Variants in IFT52 observed in about 807,000 individuals in gnomAD.
IFT52 encodes the protein intraflagellar transport protein 52 homolog.
A neutral mutation model predicts 54.4 loss-of-function variants in IFT52; 44 were observed. The ratio of observed to expected loss-of-function variants is 0.81; its 90% CI spans 0.63 to 1.04. The LOEUF (loss-of-function observed/expected upper bound fraction) is 1.04. Ranked by LOEUF, IFT52 falls within the 50% of genes least tolerant of loss-of-function variation. The probability of loss-of-function intolerance (pLI) is 0.00; values close to 1 mark genes in which losing one functional copy is unlikely to be tolerated. For missense variants in IFT52, 452 were observed against 523.6 expected (o/e 0.86, Z 1.33); for synonymous variants, 181 against 185.3 (o/e 0.98, Z 0.19).
At position 43,618,969 on chromosome 20, in the gene IFT52, T is replaced by G. The variant is rs1239916129; in HGVS notation, c.642T>G (p.Gly214=). The G allele has an allele frequency of 6.2e-7, 1 of 1,614,042 alleles. No individual in the cohort carries two copies. The highest frequency in any genetic ancestry group is 1.1e-5 in the South Asian group (1 of 91,048). Residue 214 remains glycine, a synonymous_variant, in exon 8 of 14, where the codon GGT becomes GGG. Transcript: ENST00000373030. ...AAGGTGGGAAGCTGGCAGTGCTTGG[T>G]TCATGTCACATGTTCAGTGATCAAT... ...KNQGGKLAVL[G]SCHMFSDQYL...
chr20:43,638,519 CA>C, intron 12 of IFT52, among the ~76,000 whole-genome samples: 1 of 152,116 alleles, frequency 6.6e-6, no homozygotes, highest in African/African-American at 2.4e-5. Context: ...TTTTAAAATA[CA>C]ATAAACTCGG....
At chr20:43,641,213 G>GGTTTT (rs1330968682) in intron 12 of IFT52, among the ~76,000 whole-genome samples, 1 of 148,062 alleles carries the variant, frequency 6.8e-6, no homozygotes, top group Non-Finnish European at 1.5e-5. Context: ...TGTTTTTTGG[G>GGTTTT]GTTTTGTTTT....
intron 13 of IFT52, among the ~76,000 whole-genome samples, chr20:43,643,181 AC>A (rs1188139619): frequency 2.1e-5 from 3 of 144,896 alleles, no homozygotes; most frequent in Non-Finnish European, 4.6e-5. Context: ...AAACAAAAAA[AC>A]AAAACAAAAC....
intron 10 of IFT52, among the ~76,000 whole-genome samples, chr20:43,629,567 C>T (rs1407499699): frequency 1.5e-4 from 23 of 152,210 alleles, no homozygotes; most frequent in Admixed American, 1.4e-3. Flanking sequence ...CCACCGAGCC[C>T]GGCCCCAACT....
At position 43,603,868 on chromosome 20, in the gene IFT52, T is replaced by C. The variant is rs371829066; in HGVS notation, c.316T>C (p.Tyr106His). ...DTNINFLLEE[Y>H]GIMVNNDAVV... ...CAATATTAACTTTTTACTAGAAGAA[T>C]ATGGAATCATGGTTAATAATGGTAA... The change falls in exon 4 of 14, where the codon TAT (tyrosine) becomes CAT (histidine). Residue 106 changes from tyrosine to histidine, a missense_variant. Transcript: ENST00000373030. 6.7e-7 allele frequency: 1 copy of C among 1,488,854 alleles called. No individual in the cohort carries two copies. The highest frequency in any genetic ancestry group is 9.3e-7 in the Non-Finnish European group (1 of 1,071,382). 92.2% of individuals were successfully genotyped at this position (1,488,854 alleles called of 1,614,324 possible).
intron 3 of IFT52, among the ~76,000 whole-genome samples, chr20:43,602,871 G>A (rs1982570952): frequency 6.6e-6 from 1 of 152,118 alleles, no homozygotes; most frequent in Non-Finnish European, 1.5e-5. Flanking sequence ...TCTAGTCTGG[G>A]CAGTAGTTTC....
At chr20:43,627,662 G>A (rs776028845) in intron 10 of IFT52, among the ~76,000 whole-genome samples, 24 of 152,154 alleles carry the variant, frequency 1.6e-4, no homozygotes, top group South Asian at 4.1e-4. Context: ...AGGAGAGAGC[G>A]AGGAAAATGG....
intron 3 of IFT52, 77 bp from the exon 4 acceptor site, chr20:43,603,683 A>G (rs781338962): frequency 4.7e-6 from 6 of 1,285,426 alleles, no homozygotes; most frequent in Non-Finnish European, 6.6e-6. Flanking sequence ...TTTTTCATCT[A>G]GTTAAGGTCT....
chr20:43,592,433 G>A (rs1444415703), intron 1 of IFT52, among the ~76,000 whole-genome samples: 2 of 151,998 alleles, frequency 1.3e-5, no homozygotes, highest in African/African-American at 2.4e-5. Context: ...CGAATTAGCC[G>A]GGTGTGTTTG....
chr20:43,596,151 G>GGT (rs1981941738), intron 2 of IFT52, among the ~76,000 whole-genome samples: 1 of 152,220 alleles, frequency 6.6e-6, no homozygotes, highest in Non-Finnish European at 1.5e-5. Context: ...ACAAGCTAAT[G>GGT]GTAGGGCTGA....
At chr20:43,646,872 A>G in intron 13 of IFT52, 64 bp from the exon 14 acceptor site, 1 of 1,280,600 alleles carries the variant, frequency 7.8e-7, no homozygotes, top group Non-Finnish European at 1.1e-6. Context: ...CAAAGCACTG[A>G]AGAGTTTACA....
intron 12 of IFT52, among the ~76,000 whole-genome samples, chr20:43,637,490 T>C (rs909404137): frequency 6.6e-6 from 1 of 152,192 alleles, no homozygotes; most frequent in Non-Finnish European, 1.5e-5. Flanking sequence ...CTCAAACTCC[T>C]GACCTCAGGC....
intron 7 of IFT52, 27 bp downstream of exon 7, chr20:43,614,003 A>G (rs1416637179): frequency 6.4e-7 from 1 of 1,573,664 alleles, no homozygotes; most frequent in East Asian, 2.2e-5. Flanking sequence ...ATATGGGTAT[A>G]GATGTTATTT....
intron 8 of IFT52, 132 bp from the exon 9 acceptor site, chr20:43,620,725 G>T: frequency 1.5e-6 from 1 of 646,348 alleles, no homozygotes. Context: ...GACAAGGCTG[G>T]CTACCCTTTT....
At chr20:43,630,265 G>C (rs1412762124) in intron 10 of IFT52, among the ~76,000 whole-genome samples, 2 of 152,162 alleles carry the variant, frequency 1.3e-5, no homozygotes, top group African/African-American at 4.8e-5. Flanking sequence ...AGCTTCTGCT[G>C]TTTTGGCCTA....
At chr20:43,627,691 G>GT (rs956946737) in intron 10 of IFT52, among the ~76,000 whole-genome samples, 2 of 152,114 alleles carry the variant, frequency 1.3e-5, no homozygotes, top group African/African-American at 2.4e-5. Context: ...AAACACAAGA[G>GT]TAAGCAAGAG....
intron 4 of IFT52, 141 bp from the exon 5 acceptor site, chr20:43,604,042 G>T: frequency 1.1e-6 from 1 of 935,390 alleles, no homozygotes; most frequent in Non-Finnish European, 1.7e-6. Context: ...GAGCCTCCTA[G>T]GCTTGGGCTG....
At chr20:43,626,806 T>A (rs75396871) in intron 10 of IFT52, among the ~76,000 whole-genome samples, 3 of 14,376 alleles carry the variant, frequency 2.1e-4, no homozygotes, top group African/African-American at 3.8e-4. Flanking sequence ...AAAGTGTTGA[T>A]AGAGAAGAAA....
chr20:43,622,603 A>G (rs1020905346), intron 9 of IFT52, among the ~76,000 whole-genome samples: 1 of 149,114 alleles, frequency 6.7e-6, no homozygotes, highest in African/African-American at 2.4e-5. Flanking sequence ...ACTCGTCTCA[A>G]AAAAAATAAA....
Sources: allele counts gnomAD v4.1 joint callset (sites outside exome capture counted in the v4.1 genomes callset), GRCh38; gene constraint gnomAD v4.1.1; transcripts MANE v1.5; gene names NCBI Gene and HGNC (gene_info 2026-07-23, HGNC 2026-07-21).